AR: variants seen among roughly 807,000 people sequenced by gnomAD.
AR encodes the protein androgen receptor, also known as dihydrotestosterone receptor.
Under a neutral mutation model 53.9 loss-of-function variants are expected in AR, and 8 were observed. The ratio of observed to expected loss-of-function variants is 0.15; its 90% confidence interval spans 0.09 to 0.27. AR has a LOEUF of 0.27. Among genes scored for constraint, AR ranks in the 10% least tolerant of loss-of-function variants. AR has a pLI of 1.00. For synonymous variants in AR, 359 were observed against 316.4 expected (o/e 1.13, Z -1.43); for missense variants, 639 against 742.5 (o/e 0.86, Z 1.62).
At chrX:67,693,112 T>C (rs2076003431) in intron 3 of AR, among the ~76,000 whole-genome samples, 1 of 112,968 alleles carries the variant, frequency 8.9e-6, no homozygotes. Flanking sequence ...GAACTATGGT[T>C]AGAGCGAAGT....
rs771949945 is a variant in AR at position 67,546,060 on chromosome X, A to G, written c.914A>G (p.Asp305Gly). ...GACAGCGCAGGCAAGAGCACTGAAG[A>G]TACTGCTGAGTATTCCCCTTTCAAG... ...LDDSAGKSTE[D>G]TAEYSPFKGG... Residue 305 changes from aspartate (D) to glycine (G), a missense_variant, in exon 1 of 8, where the codon GAT (aspartate) becomes GGT (glycine). Physicochemically the swap from Asp to Gly is moderately conservative, Grantham distance 94 (BLOSUM62 -1). Around this residue, in one of 5 missense-constraint regions of AR, gnomAD observed 423 missense variants for 377.0 expected, o/e 1.12. Transcript: ENST00000374690. 1.7e-5 allele frequency: 20 copies of G among 1,211,163 alleles called. No homozygotes were observed. The South Asian group carries it at 3.3e-4, about 20-fold the overall frequency.
intron 1 of AR, among the ~76,000 whole-genome samples, chrX:67,623,004 G>A (rs1296282248): frequency 9.0e-6 from 1 of 111,184 alleles, no homozygotes; most frequent in African/African-American, 3.3e-5. Flanking sequence ...CTGAATGAAG[G>A]GATGCATAGA....
chrX:67,557,077 G>A (rs945572307), intron 1 of AR, among the ~76,000 whole-genome samples: 3 of 110,020 alleles, frequency 2.7e-5, no homozygotes, highest in Non-Finnish European at 3.8e-5. Context: ...CATAACATCT[G>A]TCACTCTGAT....
chrX:67,662,775 C>T (rs1199648701), intron 2 of AR, among the ~76,000 whole-genome samples: 1 of 111,044 alleles, frequency 9.0e-6, no homozygotes, highest in African/African-American at 3.3e-5. Flanking sequence ...CTTTGTAGGT[C>T]TCTAAGGACT....
At chrX:67,652,339 A>G (rs1447689985) in intron 2 of AR, among the ~76,000 whole-genome samples, 2 of 111,868 alleles carry the variant, frequency 1.8e-5, no homozygotes, top group Non-Finnish European at 3.8e-5. Flanking sequence ...GCACATTCCT[A>G]CAGGTCACAA....
intron 2 of AR, among the ~76,000 whole-genome samples, chrX:67,651,406 T>C (rs1233474444): frequency 1.8e-5 from 2 of 110,790 alleles, no homozygotes; most frequent in African/African-American, 6.6e-5. Flanking sequence ...TTCGCAACTT[T>C]CTTGGTACAG....
intron 3 of AR, among the ~76,000 whole-genome samples, chrX:67,701,697 C>T (rs1352228942): frequency 9.0e-6 from 1 of 110,810 alleles, no homozygotes; most frequent in African/African-American, 3.3e-5. Flanking sequence ...CACACACACA[C>T]ACACACACAC....
chrX:67,557,789 C>T (rs914934241), intron 1 of AR, among the ~76,000 whole-genome samples: 9 of 111,492 alleles, frequency 8.1e-5, no homozygotes, highest in African/African-American at 2.9e-4. Context: ...TTTCTTTGCC[C>T]AAACCTAAAA....
At chrX:67,706,603 T>G (rs1057065565) in intron 3 of AR, among the ~76,000 whole-genome samples, 10 of 111,630 alleles carry the variant, frequency 9.0e-5, no homozygotes, top group African/African-American at 2.9e-4. Context: ...AACCAGCTCC[T>G]GGATTCATTG....
At chrX:67,555,470 G>T (rs1007783490) in intron 1 of AR, among the ~76,000 whole-genome samples, 2 of 111,912 alleles carry the variant, frequency 1.8e-5, no homozygotes, top group African/African-American at 6.5e-5. Context: ...ATTGCACTTG[G>T]TGGGTACATG....
chrX:67,628,445 T>C (rs1409359522), intron 1 of AR, among the ~76,000 whole-genome samples: 1 of 106,722 alleles, frequency 9.4e-6, no homozygotes, highest in Admixed American at 1.1e-4. Flanking sequence ...GTTTGTCTGT[T>C]ATTGGTGTAT....
chrX:67,591,740 A>C (rs1922842074), intron 1 of AR, among the ~76,000 whole-genome samples: 1 of 111,793 alleles, frequency 8.9e-6, no homozygotes, highest in Admixed American at 9.4e-5. Context: ...CCACGAGATA[A>C]AAACTCCAGG....
intron 1 of AR, among the ~76,000 whole-genome samples, chrX:67,618,187 T>A (rs1419901954): frequency 9.0e-6 from 1 of 111,649 alleles, no homozygotes; most frequent in African/African-American, 3.3e-5. Context: ...TTTCCATTTC[T>A]ACTGAGGACA....
chrX:67,689,668 C>T (rs2075985402), intron 3 of AR: 1 of 889,081 alleles, frequency 1.1e-6, no homozygotes, highest in Admixed American at 4.6e-5. Flanking sequence ...ATCAGCCTTT[C>T]TTTGTAGATG....
chrX:67,583,496 T>A (rs1222317623), intron 1 of AR, among the ~76,000 whole-genome samples: 1 of 111,760 alleles, frequency 8.9e-6, no homozygotes, highest in Non-Finnish European at 1.9e-5. Flanking sequence ...ATATTTTGCT[T>A]GTTGATGAAT....
At chrX:67,577,046 T>C (rs1922085937) in intron 1 of AR, among the ~76,000 whole-genome samples, 1 of 104,511 alleles carries the variant, frequency 9.6e-6, no homozygotes, top group Admixed American at 1.0e-4. Flanking sequence ...GTGCAACAAT[T>C]ATCAAAATCA....
intron 1 of AR, among the ~76,000 whole-genome samples, chrX:67,639,202 C>T (rs1171749779): frequency 8.9e-6 from 1 of 111,889 alleles, no homozygotes; most frequent in Non-Finnish European, 1.9e-5. Context: ...CAGTACCGTG[C>T]TATTTTGGTT....
intron 1 of AR, among the ~76,000 whole-genome samples, chrX:67,553,429 G>A (rs930691817): frequency 4.5e-5 from 5 of 111,637 alleles, no homozygotes; most frequent in African/African-American, 9.8e-5. Flanking sequence ...TTCCTATGCC[G>A]GTACCACGTT....
In AR at chrX:67,728,253, A is replaced by G; in HGVS notation, c.*4412A>G. On this transcript the variant is annotated 3_prime_UTR_variant, in exon 8 of 8. Transcript: ENST00000374690. ...GGGAAAATGGGATTATGGGTCCTTC[A>G]CTAAGTGATTTTATAAGCAGAACTG... 6.0e-6 allele frequency: 1 copy of G among 167,360 alleles called. No homozygotes were observed. 13.8% of individuals were successfully genotyped at this position (167,360 alleles called of 1,213,427 possible).
Sources: gnomAD v4.1 joint callset for allele counts (sites outside exome capture counted in the v4.1 genomes callset) on GRCh38, gnomAD v4.1.1 for gene constraint, gnomAD v4.1.1 regional missense constraint, MANE v1.5 for transcripts, NCBI Gene and HGNC (gene_info 2026-07-23, HGNC 2026-07-21) for gene names.